The following TMEM255B variants were observed in gnomAD, a reference collection of about 807,000 sequenced individuals.
The protein encoded by TMEM255B is transmembrane protein 255B.
TMEM255B carries 35 observed loss-of-function variants against 34.5 expected under a neutral mutation model. That is an observed-to-expected ratio of 1.01 (90% CI 0.77 to 1.34). The LOEUF is 1.34. Among genes scored for constraint, TMEM255B ranks in the 40% most tolerant of loss-of-function variants. The pLI, the probability that TMEM255B is intolerant of heterozygous loss-of-function variation, is 0.00. For missense variants in TMEM255B, 432 were observed against 433.2 expected (o/e 1.00, Z 0.02); for synonymous variants, 206 against 201.2 (o/e 1.02, Z -0.20).
At position 113,799,428 on chromosome 13, in the gene TMEM255B, G is replaced by A. The variant is rs1429560325; in HGVS notation, c.423+9G>A. On this transcript the variant is annotated intron_variant, in intron 5 of 8. Coordinates refer to ENST00000375353, the MANE Select transcript of TMEM255B (RefSeq NM_182614.4). The stretch of plus-strand genomic sequence containing the variant: ...ATGTCTACCAGACAGAGGTGAGCAG[G>A]AGCACTGAGATTCATGTGGGTTTTG... 6.2e-7 allele frequency: 1 copy of A among 1,612,686 alleles called. No homozygotes were observed. The highest frequency in any genetic ancestry group is 1.3e-5 in the African/African-American group (1 of 74,924).
intron 3 of TMEM255B, among the ~76,000 whole-genome samples, chr13:113,780,173 A>G (rs2050644912): frequency 6.6e-6 from 1 of 152,222 alleles, no homozygotes; most frequent in African/African-American, 2.4e-5. Context: ...ACCCCAGATC[A>G]GAACCCCTGT....
chr13:113,792,546 T>G (rs145386245), intron 3 of TMEM255B, among the ~76,000 whole-genome samples: 19 of 152,234 alleles, frequency 1.2e-4, no homozygotes, highest in Non-Finnish European at 2.4e-4. Flanking sequence ...AATGAGGCCT[T>G]CCTTGTGTGT....
chr13:113,784,706 C>T (rs11619008), intron 3 of TMEM255B, among the ~76,000 whole-genome samples: 6 of 152,040 alleles, frequency 3.9e-5, no homozygotes, highest in Admixed American at 3.3e-4. Context: ...CAGTTCCCTT[C>T]GGGTCAGTTG....
chr13:113,776,537 A>T (rs1196341365), intron 3 of TMEM255B, among the ~76,000 whole-genome samples: 2 of 152,066 alleles, frequency 1.3e-5, no homozygotes, highest in Non-Finnish European at 2.9e-5. Flanking sequence ...ACGTGACCCC[A>T]CCTCAGAGCT....
chr13:113,762,105 G>GA (rs11290901), intron 1 of TMEM255B, among the ~76,000 whole-genome samples: 42,574 of 147,476 alleles, frequency 0.29, 6,371 homozygotes, highest in East Asian at 0.51. Flanking sequence ...TCCGGGACAG[G>GA]AAAAAAAAAA....
At chr13:113,780,519 G>T (rs1194598557) in intron 3 of TMEM255B, among the ~76,000 whole-genome samples, 4 of 152,170 alleles carry the variant, frequency 2.6e-5, no homozygotes, top group Non-Finnish European at 5.9e-5. Context: ...CCTTGACTCT[G>T]AAAAGCAAAA....
At chr13:113,763,030 G>C (rs898025096) in intron 1 of TMEM255B, among the ~76,000 whole-genome samples, 1 of 152,178 alleles carries the variant, frequency 6.6e-6, no homozygotes, top group Non-Finnish European at 1.5e-5. Flanking sequence ...ATTGGAATGG[G>C]AGCCTAAGGA....
chr13:113,770,222 A>C lies in TMEM255B; in HGVS notation c.252+1062A>C, dbSNP rs2050456070. Among the ~76,000 whole-genome samples the C allele has an allele frequency of 6.6e-6, 1 of 152,208 alleles. No homozygotes were observed. The highest frequency in any genetic ancestry group is 1.5e-5 in the Non-Finnish European group (1 of 68,030). On this transcript the variant is annotated intron_variant, in intron 3 of 8. Transcript: ENST00000375353. This position sits in a 1 kb window ranked among gnomAD's most constrained non-coding sequence, Gnocchi z 4.6. ...AGTCCTGTCTTACGTGGATGGCAGC[A>C]GGCAAAGACAGAGCCTGTGCAGGGA...
intron 3 of TMEM255B, among the ~76,000 whole-genome samples, chr13:113,788,710 C>G (rs1300703277): frequency 3.9e-5 from 6 of 152,100 alleles, no homozygotes; most frequent in African/African-American, 1.4e-4. Context: ...CCGCCCTCCA[C>G]CCGTTTGTCT....
chr13:113,773,367 A>C (rs1390159958), intron 3 of TMEM255B, among the ~76,000 whole-genome samples: 1 of 152,218 alleles, frequency 6.6e-6, no homozygotes, highest in African/African-American at 2.4e-5. Flanking sequence ...AATCTACTGG[A>C]GCATGTCAAA....
chr13:113,772,376 A>G (rs1452075018), intron 3 of TMEM255B, among the ~76,000 whole-genome samples: 2 of 152,104 alleles, frequency 1.3e-5, no homozygotes, highest in Non-Finnish European at 2.9e-5. Context: ...TTTGTTGTTC[A>G]TGCTTTTGGT....
rs143620662 is a variant in TMEM255B, at chr13:113,774,258, CA to C, written c.252+5099del. On this transcript the variant is annotated intron_variant, in intron 3 of 8. Transcript: ENST00000375353. ...GAATGGCTTCGCCATTATCCCTACC[CA>C]TTATCATGTTAGTCTCCGGTGACAT... Among the ~76,000 whole-genome samples the C allele has an allele frequency of 9.7e-3, 1,480 of 152,344 alleles. 22 individuals are homozygous for C. Among genetic ancestry groups the C allele is most frequent in the African/African-American group, 0.034 (1,415 of 41,570 alleles).
chr13:113,792,716 A>C (rs1222660107), intron 3 of TMEM255B, among the ~76,000 whole-genome samples: 1 of 152,248 alleles, frequency 6.6e-6, no homozygotes. Context: ...CAGAGCAATT[A>C]GGCAGAAGAG....
rs117383135 is a variant in TMEM255B at position 113,766,000 on chromosome 13, C to T, written c.47-115C>T. 1,506 of 1,395,470 alleles carry T rather than the reference C, an allele frequency of 1.1e-3. 14 individuals are homozygous for T. The East Asian group carries it at 0.02, about 18-fold the overall frequency. 86.4% of individuals were successfully genotyped at this position (1,395,470 alleles called of 1,614,324 possible). A position where few individuals can be genotyped will look rare whatever the true frequency, so the allele number is the denominator to read the frequency against. The stretch of plus-strand genomic sequence containing the variant: ...CCCCTGAGGTGGGCCTGGAGGCAGG[C>T]GGGGATAGTGCATCCCAGGACCCCT... On this transcript the variant is annotated intron_variant, in intron 1 of 8. Coordinates refer to ENST00000375353, the MANE Select transcript of TMEM255B (RefSeq NM_182614.4).
At position 113,799,387 on chromosome 13, in the gene TMEM255B, G is replaced by C; in HGVS notation, c.391G>C (p.Val131Leu). ...AAGATGCCAGTTTTACTCCAGTGGGGTGGGGTACTTGTACGATGTCTACCA... is the reference window on the plus strand; with the variant it reads ...AAGATGCCAGTTTTACTCCAGTGGGCTGGGGTACTTGTACGATGTCTACCA... ...TGRCQFYSSG[V>L]GYLYDVYQTE... Residue 131 changes from valine to leucine, a missense_variant, in exon 5 of 9, where the codon GTG becomes CTG. Physicochemically the swap from Val to Leu is conservative, Grantham distance 32. Transcript: ENST00000375353. The C allele has an allele frequency of 6.2e-7, 1 of 1,614,188 alleles. No individual in the cohort carries two copies. The highest frequency in any genetic ancestry group is 8.5e-7 in the Non-Finnish European group (1 of 1,180,036).
chr13:113,811,184 T>TGAGAGCGGTCCTGGGTCTGTGG (rs1566338184), intron 8 of TMEM255B, among the ~76,000 whole-genome samples: 12 of 19,838 alleles, frequency 6.0e-4, no homozygotes, highest in East Asian at 3.5e-3. Context: ...GTCTGTGGGG[T>TGAGAGCGGTCCTGGGTCTGTGG]GGGGGCCAGT....
chr13:113,786,338 A>G (rs2050740441), intron 3 of TMEM255B, among the ~76,000 whole-genome samples: 1 of 151,236 alleles, frequency 6.6e-6, no homozygotes, highest in Admixed American at 6.6e-5. Context: ...CATCCCCATC[A>G]CCATCACTGT....
intron 4 of TMEM255B, 120 bp downstream of exon 4, chr13:113,795,357 TG>T: frequency 9.5e-7 from 1 of 1,057,268 alleles, no homozygotes; most frequent in Non-Finnish European, 1.4e-6. Flanking sequence ...GTCTCCACGC[TG>T]GGGGTTGCCA....
chr13:113,795,103 G>C (rs373428111), intron 3 of TMEM255B, 45 bp from the exon 4 acceptor site: 1 of 1,587,184 alleles, frequency 6.3e-7, no homozygotes, highest in East Asian at 2.2e-5. Flanking sequence ...TTTGAAAACC[G>C]GGGTTGGTAA....
Sources: allele counts gnomAD v4.1 joint callset (sites outside exome capture counted in the v4.1 genomes callset), GRCh38; gene constraint gnomAD v4.1.1; non-coding constraint Gnocchi (gnomAD v3.1); transcripts MANE v1.5; gene names NCBI Gene and HGNC (gene_info 2026-07-23, HGNC 2026-07-21).